Variants in MROH9 observed in about 807,000 individuals in gnomAD.
The protein encoded by MROH9 is maestro heat like repeat family member 9.
A neutral mutation model predicts 98.2 loss-of-function variants in MROH9; 92 were observed. The ratio of observed to expected loss-of-function variants is 0.94; its 90% CI spans 0.79 to 1.11. MROH9 has a LOEUF of 1.11. Among genes scored for constraint, MROH9 ranks in the 50% most tolerant of loss-of-function variants. The pLI is 0.00. For missense variants in MROH9, 1,057 were observed against 1,014.8 expected, an observed-to-expected ratio of 1.04 and a Z score of -0.57; for synonymous variants, 397 against 368.9, an observed-to-expected ratio of 1.08 and a Z score of -0.87.
At chr1:171,052,089 A>G (rs528464778) in intron 20 of MROH9, among the ~76,000 whole-genome samples, 1 of 151,404 alleles carries the variant, frequency 6.6e-6, no homozygotes, top group Admixed American at 6.6e-5. Context: ...TCTGTTCAGG[A>G]CTTCTATTTA....
intron 1 of MROH9, among the ~76,000 whole-genome samples, chr1:170,940,672 G>A (rs1649087616): frequency 6.6e-6 from 1 of 152,232 alleles, no homozygotes; most frequent in Admixed American, 6.5e-5. Context: ...ACCTGGTTAA[G>A]CTTATGGTAA....
intron 16 of MROH9, chr1:171,014,975 C>T (rs547582199): frequency 8.5e-6 from 4 of 471,754 alleles, no homozygotes; most frequent in Non-Finnish European, 1.8e-5. Context: ...TACACTGTTT[C>T]CCATTGACTC....
At chr1:170,959,136 G>A (rs951517857) in intron 4 of MROH9, among the ~76,000 whole-genome samples, 4 of 152,154 alleles carry the variant, frequency 2.6e-5, no homozygotes, top group Non-Finnish European at 2.9e-5. Flanking sequence ...AGCACTTTGG[G>A]AGGCTGAGGC....
intron 2 of MROH9, 76 bp from the exon 3 acceptor site, chr1:170,947,451 T>C: frequency 8.0e-7 from 1 of 1,249,276 alleles, no homozygotes; most frequent in Non-Finnish European, 1.2e-6. Flanking sequence ...AGCTTCAGGT[T>C]TGGAAATAAG....
At position 171,038,539 on chromosome 1, in the gene MROH9, A is replaced by G. The variant is rs1419515741; in HGVS notation, c.2281+13119A>G. Among the ~76,000 whole-genome samples, 5 of 152,186 alleles carry G rather than the reference A, an allele frequency of 3.3e-5. No homozygotes were observed. In the East Asian group the frequency reaches 7.7e-4, roughly 23 times the overall value. On this transcript the variant is annotated intron_variant, in intron 20 of 21. Transcript: ENST00000367759. Reference sequence around the variant, plus strand: ...GATACAGTCACACATGGGAGAAATGATGTGTGTACATAGATATTTATTGCA... The same window carrying G: ...GATACAGTCACACATGGGAGAAATGGTGTGTGTACATAGATATTTATTGCA...
chr1:170,965,165 G>A lies in MROH9; in HGVS notation c.390G>A (p.Trp130Ter). The stretch of plus-strand genomic sequence containing the variant: ...GTTTCCAACAGGAAATGCTCGTGTG[G>A]ATGAGTAAAGATAGCTCATATCTGC... ...KLQILKEMLVWMSKDSSYLQE... is the reference protein window; with the variant it reads ...KLQILKEMLV The change falls in exon 7 of 22, where the codon TGG becomes TGA. Residue 130 changes from tryptophan to a stop codon, truncating the protein, a stop_gained. Coordinates refer to ENST00000367759, the MANE Select transcript of MROH9 (RefSeq NM_001163629.2). LOFTEE classifies it high-confidence loss of function. The A allele has an allele frequency of 3.1e-6, 5 of 1,608,266 alleles. No homozygotes were observed. Among genetic ancestry groups the A allele is most frequent in the Non-Finnish European group, 4.3e-6 (5 of 1,175,904 alleles).
rs1212699586 is a variant in MROH9, at chr1:170,971,844, G to A, written c.577G>A (p.Gly193Arg). The change falls in exon 8 of 22, where the codon GGA (glycine) becomes AGA (arginine). Residue 193 changes from glycine (G) to arginine (R), a missense_variant. Gly to Arg is a moderately radical substitution (Grantham distance 125). Transcript: ENST00000367759. ...DPSIVKQASL[G>R]MCHLLYIARC... is the part of the protein sequence containing the mutation. The stretch of plus-strand genomic sequence containing the variant: ...CTCGATTGTAAAACAAGCATCATTG[G>A]GAATGTGTCACCTCCTCTACATTGC... 6.2e-7 allele frequency: 1 copy of A among 1,613,842 alleles called. No homozygotes were observed. The highest frequency in any genetic ancestry group is 8.5e-7 in the Non-Finnish European group (1 of 1,179,940).
intron 10 of MROH9, 85 bp downstream of exon 10, chr1:170,986,795 T>C: frequency 7.3e-7 from 1 of 1,374,700 alleles, no homozygotes; most frequent in Admixed American, 2.2e-5. Context: ...CACTTCTTTT[T>C]ATATGTATTT....
At chr1:170,959,687 G>A in intron 5 of MROH9, 90 bp downstream of exon 5, 1 of 1,216,196 alleles carries the variant, frequency 8.2e-7, no homozygotes, top group Non-Finnish European at 1.1e-6. Flanking sequence ...ATAATCTTTA[G>A]GGTCCTCCTC....
chr1:171,034,519 C>G (rs185851610), intron 20 of MROH9, among the ~76,000 whole-genome samples: 33 of 152,198 alleles, frequency 2.2e-4, no homozygotes, highest in Non-Finnish European at 4.1e-4. Context: ...GGGTACAACA[C>G]TTAATGTCCA....
At chr1:171,037,020 A>C (rs1381056285) in intron 20 of MROH9, among the ~76,000 whole-genome samples, 3 of 151,120 alleles carry the variant, frequency 2.0e-5, no homozygotes, top group African/African-American at 7.2e-5. Context: ...AGGACACACA[A>C]GAGGCTTCAA....
At chr1:171,008,599 G>A (rs1410411033) in intron 15 of MROH9, among the ~76,000 whole-genome samples, 3 of 152,178 alleles carry the variant, frequency 2.0e-5, no homozygotes, top group Non-Finnish European at 4.4e-5. Context: ...TTAATACTAT[G>A]TTGCCATAAA....
intron 19 of MROH9, among the ~76,000 whole-genome samples, chr1:171,025,006 C>T (rs1652658922): frequency 6.6e-6 from 1 of 152,106 alleles, no homozygotes; most frequent in African/African-American, 2.4e-5. Flanking sequence ...CCATTTTGAG[C>T]TATGGGTGGG....
intron 9 of MROH9, among the ~76,000 whole-genome samples, chr1:170,985,427 G>T (rs1651094642): frequency 6.6e-6 from 1 of 152,136 alleles, no homozygotes; most frequent in Non-Finnish European, 1.5e-5. Context: ...AGCTGATCCT[G>T]TGTGATTGGT....
chr1:170,972,768 T>C (rs1442928585), intron 8 of MROH9, among the ~76,000 whole-genome samples: 2 of 146,668 alleles, frequency 1.4e-5, no homozygotes, highest in South Asian at 2.1e-4. Flanking sequence ...GCCGAGATCA[T>C]GCCACTGCAC....
chr1:170,999,123 T>C (rs1651695012), intron 15 of MROH9, among the ~76,000 whole-genome samples: 2 of 152,118 alleles, frequency 1.3e-5, no homozygotes, highest in Admixed American at 1.3e-4. Flanking sequence ...GTGTCTATTC[T>C]CGGCTTCTTT....
chr1:171,016,185 TA>T lies in MROH9; in HGVS notation c.1759del (p.Ile587Ter). 3 of 1,526,128 alleles carry T rather than the reference TA, an allele frequency of 2.0e-6. No individual in the cohort carries two copies. Among genetic ancestry groups the T allele is most frequent in the Non-Finnish European group, 2.6e-6 (3 of 1,136,220 alleles). 94.5% of individuals were successfully genotyped at this position (1,526,128 alleles called of 1,614,324 possible). ...INKTENVSSILIAILDAFLSK... is the reference protein window; with the variant it reads ...INKTENVSSIXIAILDAFLSK... The stretch of plus-strand genomic sequence containing the variant: ...TAGACAGAAAATGTCAGCAGTATAT[TA>T]ATAGCCATCCTGGATGCCTTCCTTT... On this transcript the variant is annotated frameshift_variant, in exon 17 of 22. Coordinates refer to ENST00000367759, the MANE Select transcript of MROH9 (RefSeq NM_001163629.2). LOFTEE classifies it high-confidence loss of function.
At chr1:171,001,646 C>T (rs115384485) in intron 15 of MROH9, among the ~76,000 whole-genome samples, 1,810 of 151,974 alleles carry the variant, frequency 0.012, 26 homozygotes, top group African/African-American at 0.042. Flanking sequence ...TTTATTGAGG[C>T]TCATTTTTTG....
chr1:170,950,777 C>T (rs1040025041), intron 3 of MROH9, among the ~76,000 whole-genome samples: 2 of 152,058 alleles, frequency 1.3e-5, no homozygotes, highest in Non-Finnish European at 2.9e-5. Flanking sequence ...ATTGCTGGAT[C>T]AAACTATATC....
Sources: gnomAD v4.1 joint callset for allele counts (sites outside exome capture counted in the v4.1 genomes callset) on GRCh38, gnomAD v4.1.1 for gene constraint, MANE v1.5 for transcripts, NCBI Gene and HGNC (gene_info 2026-07-23, HGNC 2026-07-21) for gene names.